DIAPH3: variants seen among roughly 807,000 people sequenced by gnomAD.
DIAPH3 encodes the protein protein diaphanous homolog 3.
Under a neutral mutation model 144.3 loss-of-function variants are expected in DIAPH3, and 117 were observed. The observed-to-expected ratio is 0.81, with a 90% confidence interval of 0.70 to 0.95. The LOEUF (loss-of-function observed/expected upper bound fraction) is 0.95. DIAPH3 is among the 40% of genes least tolerant of loss of function. The probability of loss-of-function intolerance (pLI) is 0.00; values close to 1 mark genes in which losing one functional copy is unlikely to be tolerated. For missense variants in DIAPH3, 1,421 were observed against 1,412.7 expected, an observed-to-expected ratio of 1.01 and a Z score of -0.09; for synonymous variants, 519 against 488.9, an observed-to-expected ratio of 1.06 and a Z score of -0.81.
At chr13:59,751,191 G>T (rs1357898405) in intron 27 of DIAPH3, among the ~76,000 whole-genome samples, 1 of 152,226 alleles carries the variant, frequency 6.6e-6, no homozygotes, top group African/African-American at 2.4e-5. Context: ...ATGGCAACGG[G>T]AGTTGCCCAG....
chr13:59,760,378 GTAAC>G (rs1251511107), intron 27 of DIAPH3, among the ~76,000 whole-genome samples: 9 of 152,154 alleles, frequency 5.9e-5, no homozygotes, highest in Admixed American at 5.9e-4. Context: ...ACTCTTCAGA[GTAAC>G]TATATTAATA....
At chr13:59,953,849 C>T (rs2049232998) in intron 17 of DIAPH3, among the ~76,000 whole-genome samples, 1 of 152,000 alleles carries the variant, frequency 6.6e-6, no homozygotes, top group Admixed American at 6.6e-5. Context: ...AGATAGTTTG[C>T]ATTATTGTCT....
At chr13:60,156,807 C>G (rs1952041285) in intron 1 of DIAPH3, among the ~76,000 whole-genome samples, 1 of 150,578 alleles carries the variant, frequency 6.6e-6, no homozygotes. Flanking sequence ...AAGCTCCAAA[C>G]AGAAGTTGCT....
chr13:59,738,180 CA>C (rs1243134866), intron 27 of DIAPH3, among the ~76,000 whole-genome samples: 1 of 151,954 alleles, frequency 6.6e-6, no homozygotes, highest in Non-Finnish European at 1.5e-5. Context: ...AAATAAAAAA[CA>C]AAATAAATTA....
chr13:59,888,583 A>G (rs1018709492), intron 20 of DIAPH3, among the ~76,000 whole-genome samples: 7 of 152,110 alleles, frequency 4.6e-5, no homozygotes, highest in East Asian at 1.9e-4. Flanking sequence ...GTATCAATCT[A>G]ATTGGAATTA....
intron 18 of DIAPH3, among the ~76,000 whole-genome samples, chr13:59,920,157 A>T (rs995253953): frequency 1.8e-4 from 28 of 152,126 alleles, no homozygotes; most frequent in African/African-American, 6.0e-4. Context: ...CTACAAAACA[A>T]CTAGAAAACA....
intron 21 of DIAPH3, among the ~76,000 whole-genome samples, chr13:59,878,788 G>T (rs1217748207): frequency 6.6e-6 from 1 of 151,920 alleles, no homozygotes; most frequent in Non-Finnish European, 1.5e-5. Flanking sequence ...ATATAAAGGG[G>T]TCCCATTTTT....
At chr13:59,885,113 G>A (rs1409327605) in intron 20 of DIAPH3, among the ~76,000 whole-genome samples, 2 of 152,026 alleles carry the variant, frequency 1.3e-5, no homozygotes, top group Non-Finnish European at 2.9e-5. Flanking sequence ...GATTTCACAG[G>A]AGGTCCAAAT....
intron 24 of DIAPH3, among the ~76,000 whole-genome samples, chr13:59,819,293 A>T (rs1040506511): frequency 6.6e-6 from 1 of 151,876 alleles, no homozygotes; most frequent in Non-Finnish European, 1.5e-5. Context: ...GGCAGGCCTA[A>T]CTTTCCCCTT....
intron 3 of DIAPH3, among the ~76,000 whole-genome samples, chr13:60,108,041 G>GTA (rs1451754684): frequency 6.6e-6 from 1 of 152,148 alleles, no homozygotes; most frequent in African/African-American, 2.4e-5. Flanking sequence ...CTCCATCTAA[G>GTA]TATAGTGTCT....
At chr13:60,039,658 A>G (rs1453588679) in intron 5 of DIAPH3, among the ~76,000 whole-genome samples, 1 of 152,126 alleles carries the variant, frequency 6.6e-6, no homozygotes, top group Non-Finnish European at 1.5e-5. Context: ...TTGGAAAACC[A>G]TCAATCAGTT....
intron 2 of DIAPH3, among the ~76,000 whole-genome samples, chr13:60,115,935 T>C (rs1273324885): frequency 6.6e-6 from 1 of 152,052 alleles, no homozygotes; most frequent in Non-Finnish European, 1.5e-5. Flanking sequence ...TGGGATTCTA[T>C]ATACAGTGAA....
At chr13:60,097,504 C>T (rs1159198649) in intron 3 of DIAPH3, among the ~76,000 whole-genome samples, 1 of 152,186 alleles carries the variant, frequency 6.6e-6, no homozygotes, top group Non-Finnish European at 1.5e-5. Flanking sequence ...AGGCCCTCAC[C>T]AAAAGCAGAT....
chr13:60,004,201 C>T (rs539428164), intron 9 of DIAPH3, among the ~76,000 whole-genome samples: 31 of 152,104 alleles, frequency 2.0e-4, no homozygotes, highest in African/African-American at 6.3e-4. Context: ...TTTTAATTGG[C>T]GATTTGCTAA....
chr13:60,127,287 A>C (rs970288321), intron 2 of DIAPH3, among the ~76,000 whole-genome samples: 1 of 152,140 alleles, frequency 6.6e-6, no homozygotes, highest in Non-Finnish European at 1.5e-5. Flanking sequence ...TATAGGTAAA[A>C]TGTATGTCCT....
At chr13:59,895,437 A>C (rs1593873006) in intron 20 of DIAPH3, among the ~76,000 whole-genome samples, 1 of 145,936 alleles carries the variant, frequency 6.9e-6, no homozygotes, top group Admixed American at 6.6e-5. Flanking sequence ...AAGGAAAAAA[A>C]AAAAAACAAA....
chr13:59,711,211 G>C (rs945395157), intron 27 of DIAPH3, among the ~76,000 whole-genome samples: 2 of 152,166 alleles, frequency 1.3e-5, no homozygotes, highest in Non-Finnish European at 2.9e-5. Context: ...AGTGAGCATA[G>C]TGATTTGTTT....
At chr13:59,901,065 G>A (rs2046400357) in intron 20 of DIAPH3, among the ~76,000 whole-genome samples, 1 of 152,144 alleles carries the variant, frequency 6.6e-6, no homozygotes, top group Non-Finnish European at 1.5e-5. Flanking sequence ...CATTAATAAT[G>A]AGATCATTGA....
intron 18 of DIAPH3, among the ~76,000 whole-genome samples, chr13:59,922,230 A>T (rs745452492): frequency 2.6e-5 from 4 of 152,022 alleles, no homozygotes; most frequent in African/African-American, 4.8e-5. Context: ...GAGAAAAAAA[A>T]TAGGCAGAAA....
Sources: gnomAD v4.1 joint callset for allele counts (sites outside exome capture counted in the v4.1 genomes callset) on GRCh38, gnomAD v4.1.1 for gene constraint, MANE v1.5 for transcripts, NCBI Gene and HGNC (gene_info 2026-07-23, HGNC 2026-07-21) for gene names.